The following PPFIA1 variants were observed in gnomAD, a reference collection of about 807,000 sequenced individuals.
PPFIA1 encodes the protein liprin-alpha-1.
In PPFIA1, 25 loss-of-function variants were observed where a neutral mutation model predicts 149.9. That is an observed-to-expected ratio of 0.17 (90% CI 0.12 to 0.23). The LOEUF (loss-of-function observed/expected upper bound fraction) is 0.23. PPFIA1 is among the 10% of genes least tolerant of loss of function. The probability of loss-of-function intolerance (pLI) is 1.00; values close to 1 mark genes in which losing one functional copy is unlikely to be tolerated. For synonymous variants in PPFIA1, 549 were observed against 552.8 expected (o/e 0.99, Z 0.10); for missense variants, 1,362 against 1,506.5 (o/e 0.90, Z 1.59).
At chr11:70,282,072 C>T (rs1185177385) in intron 2 of PPFIA1, among the ~76,000 whole-genome samples, 2 of 151,874 alleles carry the variant, frequency 1.3e-5, no homozygotes, top group Non-Finnish European at 2.9e-5. Flanking sequence ...ATGACATTGT[C>T]CAGTTTCTAA....
intron 2 of PPFIA1, chr11:70,284,061 A>C (rs2050943738): frequency 1.9e-6 from 1 of 517,254 alleles, no homozygotes; most frequent in Admixed American, 2.0e-5. Flanking sequence ...AATATGATGC[A>C]AAATTGGCTA....
At position 70,338,456 on chromosome 11, in the gene PPFIA1, A is replaced by G; in HGVS notation, c.1571+3A>G. The G allele has an allele frequency of 6.2e-7, 1 of 1,604,998 alleles. No homozygotes were observed. The highest frequency in any genetic ancestry group is 8.5e-7 in the Non-Finnish European group (1 of 1,171,768). ...AGAGGTGCTTCACTTCATCATGGGT[A>G]TGGTATTAACCAGTGAGCAGCCATA... On this transcript the variant is annotated splice_donor_region_variant and intron_variant, in intron 13 of 27. Transcript: ENST00000253925.
At chr11:70,272,559 T>C (rs2050154234) in intron 2 of PPFIA1, 123 bp downstream of exon 2, 1 of 1,210,504 alleles carries the variant, frequency 8.3e-7, no homozygotes, top group Non-Finnish European at 1.1e-6. Context: ...TGATAGTTTC[T>C]GGTGTTTGTA....
At chr11:70,300,906 G>A (rs919828676) in intron 2 of PPFIA1, among the ~76,000 whole-genome samples, 62 of 152,276 alleles carry the variant, frequency 4.1e-4, no homozygotes, top group African/African-American at 1.5e-3. Context: ...TAAGCCATGA[G>A]GGGGCAAAAG....
intron 2 of PPFIA1, among the ~76,000 whole-genome samples, chr11:70,273,515 C>T (rs1384575240): frequency 6.6e-6 from 1 of 152,114 alleles, no homozygotes; most frequent in Non-Finnish European, 1.5e-5. Context: ...GGGGTGCATT[C>T]AGGTAGACCC....
intron 21 of PPFIA1, among the ~76,000 whole-genome samples, chr11:70,363,581 G>A (rs540873274): frequency 5.9e-5 from 9 of 151,960 alleles, no homozygotes; most frequent in Non-Finnish European, 1.2e-4. Flanking sequence ...TGGCTCAATC[G>A]TAGCTCACTG....
intron 5 of PPFIA1, 139 bp downstream of exon 5, chr11:70,325,713 C>G (rs569789341): frequency 3.3e-6 from 2 of 601,630 alleles, no homozygotes; most frequent in Non-Finnish European, 5.8e-6. Context: ...GGGCGGATCA[C>G]CTGAGGTCAG....
intron 7 of PPFIA1, among the ~76,000 whole-genome samples, chr11:70,329,597 C>CCA (rs2054535460): frequency 6.6e-6 from 1 of 152,144 alleles, no homozygotes; most frequent in Non-Finnish European, 1.5e-5. Flanking sequence ...CAGGGGCGTG[C>CCA]CACCATGCGT....
chr11:70,279,264 T>C (rs2050596330), intron 2 of PPFIA1: 1 of 280,440 alleles, frequency 3.6e-6, no homozygotes, highest in Admixed American at 4.9e-5. Flanking sequence ...TTGTTGGCCT[T>C]TCTGGAGTCC....
Position 70,356,403 on chromosome 11 carries a change from C to T in PPFIA1, c.2582+149C>T, listed in dbSNP as rs184528048. On this transcript the variant is annotated intron_variant, in intron 19 of 27. Transcript: ENST00000253925. ...TACAGCCTTAATTAAGCCGTACTTT[C>T]TGGAAGATTTAGTGTTTGTGAAATT... The T allele has an allele frequency of 7.4e-4, 485 of 659,694 alleles. 2 individuals carry two copies. The highest frequency in any genetic ancestry group is 5.2e-3 in the African/African-American group (279 of 53,850). 40.9% of individuals were successfully genotyped at this position (659,694 alleles called of 1,614,324 possible).
At chr11:70,301,469 C>G (rs1054068948) in intron 2 of PPFIA1, among the ~76,000 whole-genome samples, 1 of 152,096 alleles carries the variant, frequency 6.6e-6, no homozygotes, top group East Asian at 1.9e-4. Context: ...GGTCTGTATT[C>G]TAATTTGTAA....
chr11:70,382,196 G>A, intron 27 of PPFIA1, 38 bp downstream of exon 27: 1 of 1,540,488 alleles, frequency 6.5e-7, no homozygotes, highest in Non-Finnish European at 8.9e-7. Context: ...AGATGGCTCA[G>A]AGGCACAGCA....
intron 14 of PPFIA1, 61 bp from the exon 15 acceptor site, chr11:70,343,608 T>A: frequency 6.9e-7 from 1 of 1,450,596 alleles, no homozygotes; most frequent in Non-Finnish European, 9.6e-7. Context: ...TCCGATAGAT[T>A]TATGTTTCTA....
chr11:70,272,475 C>A (rs757387916), intron 2 of PPFIA1, 39 bp downstream of exon 2: 2 of 1,540,702 alleles, frequency 1.3e-6, no homozygotes, highest in Admixed American at 4.2e-5. Flanking sequence ...GATTTTTCTC[C>A]ACTAAATGTT....
In PPFIA1 at chr11:70,270,924, C is replaced by CTT. The variant is rs1179574436; in HGVS notation, c.-1+10_-1+11insTT. The CTT allele has an allele frequency of 2.6e-5, 4 of 151,528 alleles. No individual in the cohort carries two copies. The highest frequency in any genetic ancestry group is 9.7e-5 in the African/African-American group (4 of 41,358). The allele number at this position is 151,528 out of a possible 1,614,324, so 9.4% of individuals were successfully genotyped here. On this transcript the variant is annotated intron_variant, in intron 1 of 27. Coordinates refer to ENST00000253925, the MANE Select transcript of PPFIA1 (RefSeq NM_003626.5). ...CCCGCCGGCGAGCAAGGTAAGGGAG[C>CTT]GGGACACTGAGGCAGGCTCGGGGCC...
chr11:70,362,234 T>A (rs2056693354), intron 20 of PPFIA1, 54 bp from the exon 21 acceptor site: 3 of 1,612,712 alleles, frequency 1.9e-6, no homozygotes, highest in Non-Finnish European at 1.7e-6. Context: ...CTTACTGTTC[T>A]ACTTTGTAGA....
intron 2 of PPFIA1, among the ~76,000 whole-genome samples, chr11:70,302,628 A>T (rs1010945826): frequency 2.6e-5 from 4 of 152,306 alleles, no homozygotes; most frequent in Admixed American, 1.3e-4. Context: ...GACAGAATCA[A>T]AAGCTTTAAC....
intron 21 of PPFIA1, chr11:70,367,729 T>C: frequency 2.5e-6 from 1 of 392,796 alleles, no homozygotes; most frequent in Non-Finnish European, 5.0e-6. Flanking sequence ...CAGAAACAAG[T>C]AGGGTTCTGC....
At position 70,337,473 on chromosome 11, in the gene PPFIA1, G is replaced by A. The variant is rs761971297; in HGVS notation, c.1491+46G>A. The A allele has an allele frequency of 3.5e-6, 5 of 1,424,614 alleles. No homozygotes were observed. In the East Asian group the frequency reaches 9.5e-5, roughly 27 times the overall value. 88.2% of individuals were successfully genotyped at this position (1,424,614 alleles called of 1,614,324 possible). A position where few individuals can be genotyped will look rare whatever the true frequency, so the allele number is the denominator to read the frequency against. On this transcript the variant is annotated intron_variant, in intron 12 of 27. Transcript: ENST00000253925. ...TCCATGAAGAGCCAAGTTGAACTGA[G>A]TTGATGATGATGATAGTTACTGCAG...
Sources: allele counts gnomAD v4.1 joint callset (sites outside exome capture counted in the v4.1 genomes callset), GRCh38; gene constraint gnomAD v4.1.1; transcripts MANE v1.5; gene names NCBI Gene and HGNC (gene_info 2026-07-23, HGNC 2026-07-21).